ASAP2: variants seen among roughly 807,000 people sequenced by gnomAD.
ASAP2 encodes ArfGAP with SH3 domain, ankyrin repeat and PH domain 2.
ASAP2 carries 45 observed loss-of-function variants against 131.4 expected under a neutral mutation model. The ratio of observed to expected loss-of-function variants is 0.34; its 90% CI spans 0.27 to 0.44. The LOEUF is 0.44. Ranked by LOEUF, ASAP2 falls within the 20% of genes least tolerant of loss-of-function variation. The probability of loss-of-function intolerance (pLI) is 1.00; values close to 1 mark genes in which losing one functional copy is unlikely to be tolerated. For synonymous variants in ASAP2, 510 were observed against 503.0 expected (o/e 1.01, Z -0.19); for missense variants, 1,011 against 1,297.0 (o/e 0.78, Z 3.39).
Position 9,404,600 on chromosome 2 carries a change from C to T in ASAP2, c.*1273C>T, listed in dbSNP as rs772557752. 2.6e-5 allele frequency: 4 copies of T among 152,506 alleles called. No individual in the cohort carries two copies. The highest frequency in any genetic ancestry group is 5.9e-5 in the Non-Finnish European group (4 of 68,032). The allele number at this position is 152,506 out of a possible 1,614,324, so 9.4% of individuals were successfully genotyped here. A position where few individuals can be genotyped will look rare whatever the true frequency, so the allele number is the denominator to read the frequency against. ...AGAATAAATAGGCATATGATACCCA[C>T]TTGGACTTTTAACAAAAGTAAAGGA... On this transcript the variant is annotated 3_prime_UTR_variant, in exon 28 of 28. Coordinates refer to ENST00000281419, the MANE Select transcript of ASAP2 (RefSeq NM_003887.3).
At chr2:9,327,265 C>G (rs989911263) in intron 6 of ASAP2, among the ~76,000 whole-genome samples, 8 of 152,184 alleles carry the variant, frequency 5.3e-5, no homozygotes, top group African/African-American at 1.7e-4. Context: ...TTTCCTGACA[C>G]TGGTTTTGTA....
chr2:9,343,392 C>G (rs1671725320), intron 9 of ASAP2, among the ~76,000 whole-genome samples: 3 of 85,730 alleles, frequency 3.5e-5, no homozygotes, highest in South Asian at 9.6e-4. Context: ...ATTTCCTGCA[C>G]TGGCACTGGT....
chr2:9,254,119 T>A (rs150771036), intron 1 of ASAP2, among the ~76,000 whole-genome samples: 1 of 142,696 alleles, frequency 7.0e-6, no homozygotes, highest in Non-Finnish European at 1.5e-5. Flanking sequence ...GGCAGGAGAA[T>A]TGCTTGAAGC....
chr2:9,351,540 T>C (rs7564293), intron 12 of ASAP2, among the ~76,000 whole-genome samples: 139,877 of 152,148 alleles, frequency 0.92, 65,205 homozygotes, highest in Non-Finnish European at 1. Flanking sequence ...GGTTAGAGTC[T>C]AGGGGAAGAA....
intron 11 of ASAP2, 125 bp downstream of exon 11, chr2:9,344,925 GAATTTCC>G: frequency 1.4e-6 from 1 of 719,504 alleles, no homozygotes. Flanking sequence ...GTGTCTTAGA[GAATTTCC>G]CTGTCAGAAA....
At chr2:9,347,244 G>A (rs772588129) in intron 11 of ASAP2, among the ~76,000 whole-genome samples, 1 of 152,210 alleles carries the variant, frequency 6.6e-6, no homozygotes, top group Non-Finnish European at 1.5e-5. Context: ...GCGTGCTCTG[G>A]AAGTCAGAAT....
Position 9,396,729 on chromosome 2 carries a change from C to A in ASAP2, c.2684+3082C>A, listed in dbSNP as rs550271087. On this transcript the variant is annotated intron_variant, in intron 24 of 27. Transcript: ENST00000281419. Reference sequence around the variant, plus strand: ...AAAATATAACATGCAGGGCTGGGCACAGTGGCTCACACCTACAATCCCAGC... The same window carrying A: ...AAAATATAACATGCAGGGCTGGGCAAAGTGGCTCACACCTACAATCCCAGC... Among the ~76,000 whole-genome samples the A allele has an allele frequency of 3.9e-5, 6 of 152,360 alleles. No homozygotes were observed. In the South Asian group the frequency reaches 1.2e-3, roughly 32 times the overall value.
At chr2:9,237,926 G>C (rs534323051) in intron 1 of ASAP2, among the ~76,000 whole-genome samples, 1 of 152,290 alleles carries the variant, frequency 6.6e-6, no homozygotes, top group African/African-American at 2.4e-5. Context: ...GAGCCCTGAG[G>C]TGAGGTAAAG....
chr2:9,345,392 T>A (rs1671897208), intron 11 of ASAP2, among the ~76,000 whole-genome samples: 1 of 152,160 alleles, frequency 6.6e-6, no homozygotes, highest in African/African-American at 2.4e-5. Context: ...GTTGAGCTTA[T>A]GAAAAGCCGG....
At chr2:9,231,245 C>G (rs1220386514) in intron 1 of ASAP2, among the ~76,000 whole-genome samples, 1 of 152,166 alleles carries the variant, frequency 6.6e-6, no homozygotes, top group Non-Finnish European at 1.5e-5. Flanking sequence ...CTTGTCACCT[C>G]CAGGGAGCAG....
intron 1 of ASAP2, among the ~76,000 whole-genome samples, chr2:9,209,901 G>T (rs1261891753): frequency 6.6e-6 from 1 of 152,190 alleles, no homozygotes; most frequent in Admixed American, 6.5e-5. Context: ...TAACCTTTTT[G>T]AATCTGTTAT....
At position 9,366,490 on chromosome 2, in the gene ASAP2, G is replaced by A. The variant is rs73148796; in HGVS notation, c.1462-1935G>A. On this transcript the variant is annotated intron_variant, in intron 15 of 27. Coordinates refer to ENST00000281419, the MANE Select transcript of ASAP2 (RefSeq NM_003887.3). ...TATGCTGCCTGGCTATAAACCAGGC[G>A]CTCTGACATTGGGGTTCAGTCCTGG... Among the ~76,000 whole-genome samples, 1,134 of 152,302 alleles carry A rather than the reference G, an allele frequency of 7.4e-3. 14 individuals are homozygous for A. The highest frequency in any genetic ancestry group is 0.026 in the African/African-American group (1,075 of 41,560).
At chr2:9,371,061 C>T (rs1320427049) in intron 16 of ASAP2, among the ~76,000 whole-genome samples, 1 of 152,190 alleles carries the variant, frequency 6.6e-6, no homozygotes, top group African/African-American at 2.4e-5. Context: ...TGTTCTGGGG[C>T]TAGGCGATTC....
Position 9,392,014 on chromosome 2 carries a change from G to A in ASAP2, c.2518+818G>A, listed in dbSNP as rs1340715425. 6.6e-6 allele frequency among the ~76,000 whole-genome samples: 1 copy of A among 152,108 alleles called. No individual in the cohort carries two copies. Among genetic ancestry groups the A allele is most frequent in the Non-Finnish European group, 1.5e-5 (1 of 68,020 alleles). On this transcript the variant is annotated intron_variant, in intron 23 of 27. Coordinates refer to ENST00000281419, the MANE Select transcript of ASAP2 (RefSeq NM_003887.3). The surrounding 1 kb of genome is among the most constrained non-coding windows in gnomAD (Gnocchi z 4.0). ...TCCTGCCTTAGCCTCCTGAGTAGCTGGGATTATTGGTGCAAGCGTATTTTT... is the reference window on the plus strand; with the variant it reads ...TCCTGCCTTAGCCTCCTGAGTAGCTAGGATTATTGGTGCAAGCGTATTTTT...
At chr2:9,218,305 C>CT (rs1427875970) in intron 1 of ASAP2, among the ~76,000 whole-genome samples, 1 of 152,250 alleles carries the variant, frequency 6.6e-6, no homozygotes, top group Non-Finnish European at 1.5e-5. Flanking sequence ...TCATCAGACA[C>CT]TAACTCCTGG....
chr2:9,270,784 C>CCTTTTTTTTTTTTTT (rs1666294703), intron 1 of ASAP2, among the ~76,000 whole-genome samples: 16 of 69,726 alleles, frequency 2.3e-4, no homozygotes, highest in Non-Finnish European at 4.0e-4. Context: ...CAATTGTTTT[C>CCTTTTTTTTTTTTTT]ATTTTTTTTT....
intron 1 of ASAP2, among the ~76,000 whole-genome samples, chr2:9,271,015 G>C (rs563563785): frequency 1.7e-4 from 25 of 151,406 alleles, no homozygotes; most frequent in African/African-American, 6.1e-4. Context: ...GGATAGTCTC[G>C]ATCTCGTGAC....
At position 9,404,452 on chromosome 2, in the gene ASAP2, A is replaced by G. The variant is rs1045173423; in HGVS notation, c.*1125A>G. Reference sequence around the variant, plus strand: ...CTTAAGCTACTTGGGGTGGTAGTAGAGGATTAGGTTGTCTATTATAAAACC... The same window carrying G: ...CTTAAGCTACTTGGGGTGGTAGTAGGGGATTAGGTTGTCTATTATAAAACC... On this transcript the variant is annotated 3_prime_UTR_variant, in exon 28 of 28. Transcript: ENST00000281419. 1 of 152,316 alleles carries G rather than the reference A, an allele frequency of 6.6e-6. No homozygotes were observed. The highest frequency in any genetic ancestry group is 2.1e-4 in the South Asian group (1 of 4,826). The allele number at this position is 152,316 out of a possible 1,614,324, so 9.4% of individuals were successfully genotyped here.
intron 2 of ASAP2, among the ~76,000 whole-genome samples, chr2:9,296,647 C>T (rs1668170261): frequency 6.6e-6 from 1 of 152,222 alleles, no homozygotes; most frequent in African/African-American, 2.4e-5. Context: ...GTATGGGGAA[C>T]ACATTTGCCA....
Sources: allele counts gnomAD v4.1 joint callset (sites outside exome capture counted in the v4.1 genomes callset), GRCh38; gene constraint gnomAD v4.1.1; non-coding constraint Gnocchi (gnomAD v3.1); transcripts MANE v1.5; gene names NCBI Gene and HGNC (gene_info 2026-07-23, HGNC 2026-07-21).